CD2AP: variants seen among roughly 807,000 people sequenced by gnomAD.
CD2AP encodes CD2 associated protein.
Under a neutral mutation model 85.1 loss-of-function variants are expected in CD2AP, and 46 were observed. The ratio of observed to expected loss-of-function variants is 0.54; its 90% confidence interval spans 0.43 to 0.69. The LOEUF (loss-of-function observed/expected upper bound fraction) is 0.69. Among genes scored for constraint, CD2AP ranks in the 30% least tolerant of loss-of-function variants. The pLI, the probability that CD2AP is intolerant of heterozygous loss-of-function variation, is 0.00. For missense variants in CD2AP, 769 were observed against 729.5 expected, an observed-to-expected ratio of 1.05 and a Z score of -0.62; for synonymous variants, 255 against 252.9, an observed-to-expected ratio of 1.01 and a Z score of -0.08.
In CD2AP at chr6:47,625,324, G is replaced by T. The variant is rs1769882469; in HGVS notation, c.*1097G>T. ...CTAATAGACCAAACTAACTCATGGAGATATTTTGAACTATTATTTAGGTAC... is the reference window on the plus strand; with the variant it reads ...CTAATAGACCAAACTAACTCATGGATATATTTTGAACTATTATTTAGGTAC... On this transcript the variant is annotated 3_prime_UTR_variant, in exon 18 of 18. Coordinates refer to ENST00000359314, the MANE Select transcript of CD2AP (RefSeq NM_012120.3). The T allele has an allele frequency of 6.6e-6, 1 of 151,882 alleles. No homozygotes were observed. The highest frequency in any genetic ancestry group is 1.5e-5 in the Non-Finnish European group (1 of 67,816). 9.4% of individuals were successfully genotyped at this position (151,882 alleles called of 1,614,324 possible).
intron 1 of CD2AP, among the ~76,000 whole-genome samples, chr6:47,501,122 C>T (rs533728667): frequency 5.6e-4 from 85 of 152,306 alleles, no homozygotes; most frequent in African/African-American, 1.6e-3. Context: ...CATGGTGGCT[C>T]ACGCCTGTGA....
At chr6:47,568,557 A>G (rs991151523) in intron 5 of CD2AP, among the ~76,000 whole-genome samples, 1 of 151,990 alleles carries the variant, frequency 6.6e-6, no homozygotes, top group Admixed American at 6.6e-5. Flanking sequence ...CTGGCCCACA[A>G]GTTGAAACCC....
intron 5 of CD2AP, among the ~76,000 whole-genome samples, chr6:47,565,082 G>A (rs544812646): frequency 6.6e-6 from 1 of 152,060 alleles, no homozygotes; most frequent in East Asian, 1.9e-4. Context: ...AATAATATAT[G>A]GACAATGTTG....
intron 2 of CD2AP, among the ~76,000 whole-genome samples, chr6:47,521,640 A>G (rs1766598708): frequency 6.6e-6 from 1 of 152,268 alleles, no homozygotes; most frequent in South Asian, 2.1e-4. Context: ...TGCCATTAAA[A>G]AAGAAGAATA....
At chr6:47,542,684 T>G (rs1767247976) in intron 3 of CD2AP, among the ~76,000 whole-genome samples, 1 of 152,186 alleles carries the variant, frequency 6.6e-6, no homozygotes, top group Non-Finnish European at 1.5e-5. Context: ...AGTAAATTTA[T>G]ACTATCTTCA....
At position 47,595,996 on chromosome 6, in the gene CD2AP, A is replaced by T. The variant is rs1280548494; in HGVS notation, c.1244A>T (p.Lys415Ile). Residue 415 changes from lysine to isoleucine, a missense_variant, in exon 12 of 18, where the codon AAA becomes ATA. Transcript: ENST00000359314. Reference protein sequence around the residue: ...SGTVYPKRPEKPVPPPPPIAK... With the variant: ...SGTVYPKRPEIPVPPPPPIAK... ...ACAGTGTACCCAAAGCGACCTGAAA[A>T]ACCAGTTCCTCCACCACCTCCTATA... 3 of 1,612,850 alleles carry T rather than the reference A, an allele frequency of 1.9e-6. No individual in the cohort carries two copies. The highest frequency in any genetic ancestry group is 1.7e-6 in the Non-Finnish European group (2 of 1,179,124).
At chr6:47,528,838 T>TA (rs1766796176) in intron 2 of CD2AP, among the ~76,000 whole-genome samples, 2 of 152,204 alleles carry the variant, frequency 1.3e-5, no homozygotes, top group Non-Finnish European at 2.9e-5. Context: ...TTTGCCCATT[T>TA]AAAAAATCAG....
rs186016860 is a variant in CD2AP, at chr6:47,484,868, A to C, written c.4+6620A>C. ...TAGGGGTTTCTAGTAGAATGCAATC[A>C]TGAGCCCCTTAGGAATGTTTTGGTC... On this transcript the variant is annotated intron_variant, in intron 1 of 17. Transcript: ENST00000359314. Among the ~76,000 whole-genome samples, 242 of 152,280 alleles carry C rather than the reference A, an allele frequency of 1.6e-3. 1 individual carries two copies. Among genetic ancestry groups the C allele is most frequent in the African/African-American group, 5.6e-3 (232 of 41,556 alleles).
Position 47,564,383 on chromosome 6 carries a change from T to C in CD2AP, c.541+9617T>C, listed in dbSNP as rs192202406. ...TTTAAAATATTTACAACTTAAAGTT[T>C]GTATGGGACCACCAGCACAAGAGAT... On this transcript the variant is annotated intron_variant, in intron 5 of 17. Transcript: ENST00000359314. Among the ~76,000 whole-genome samples, 269 of 152,286 alleles carry C rather than the reference T, an allele frequency of 1.8e-3. 6 individuals carry two copies. Among genetic ancestry groups the C allele is most frequent in the Non-Finnish European group, 7.2e-4 (49 of 67,984 alleles).
At chr6:47,606,035 T>A in intron 13 of CD2AP, 130 bp from the exon 14 acceptor site, 1 of 619,310 alleles carries the variant, frequency 1.6e-6, no homozygotes, top group Non-Finnish European at 2.8e-6. Context: ...AAAGCACAGG[T>A]CAATTTGTGA....
intron 3 of CD2AP, among the ~76,000 whole-genome samples, chr6:47,538,538 G>A (rs112890303): frequency 1.1e-4 from 17 of 152,212 alleles, no homozygotes; most frequent in African/African-American, 3.6e-4. Flanking sequence ...AAGCCACTGC[G>A]CCTGGTGGAG....
intron 17 of CD2AP, among the ~76,000 whole-genome samples, chr6:47,622,529 A>AC (rs1176886064): frequency 6.6e-6 from 1 of 150,908 alleles, no homozygotes; most frequent in Non-Finnish European, 1.5e-5. Flanking sequence ...TGCTTCCTCT[A>AC]CCCCCCTTGT....
chr6:47,522,090 T>C (rs955318511), intron 2 of CD2AP, among the ~76,000 whole-genome samples: 2 of 151,898 alleles, frequency 1.3e-5, no homozygotes, highest in Non-Finnish European at 2.9e-5. Flanking sequence ...ATTGGTGGAC[T>C]CTGTTCACTG....
chr6:47,483,250 T>C (rs1022634308), intron 1 of CD2AP, among the ~76,000 whole-genome samples: 8 of 152,128 alleles, frequency 5.3e-5, no homozygotes, highest in African/African-American at 1.9e-4. Context: ...GACAGAACAG[T>C]AGTTTAAGAA....
intron 6 of CD2AP, among the ~76,000 whole-genome samples, chr6:47,574,593 T>C (rs999025143): frequency 8.7e-5 from 13 of 148,662 alleles, no homozygotes; most frequent in African/African-American, 3.2e-4. Flanking sequence ...ATAATTAATA[T>C]AATAAATATA....
chr6:47,504,202 T>C (rs780437002), intron 2 of CD2AP, among the ~76,000 whole-genome samples: 1 of 152,262 alleles, frequency 6.6e-6, no homozygotes, highest in Non-Finnish European at 1.5e-5. Context: ...TCTTGTTTTC[T>C]GTGTATTAGT....
chr6:47,589,259 T>G (rs1768709743), intron 11 of CD2AP, among the ~76,000 whole-genome samples: 1 of 151,826 alleles, frequency 6.6e-6, no homozygotes, highest in Non-Finnish European at 1.5e-5. Context: ...AAGTTAGGTA[T>G]TAAATTTACA....
chr6:47,568,529 C>T (rs1035449218), intron 5 of CD2AP, among the ~76,000 whole-genome samples: 4 of 152,070 alleles, frequency 2.6e-5, no homozygotes, highest in African/African-American at 9.7e-5. Context: ...ATCACAAGGT[C>T]AGGAGTTCGA....
At chr6:47,573,354 T>G (rs1428896350) in intron 5 of CD2AP, among the ~76,000 whole-genome samples, 1 of 152,126 alleles carries the variant, frequency 6.6e-6, no homozygotes, top group Admixed American at 6.6e-5. Context: ...ATTCCCAGTT[T>G]TATATTGAGA....
Sources: allele counts gnomAD v4.1 joint callset (sites outside exome capture counted in the v4.1 genomes callset), GRCh38; gene constraint gnomAD v4.1.1; transcripts MANE v1.5; gene names NCBI Gene and HGNC (gene_info 2026-07-23, HGNC 2026-07-21).